The following CDH19 variants were observed in gnomAD, a reference collection of about 807,000 sequenced individuals.
CDH19 encodes cadherin-19.
A neutral mutation model predicts 64.2 loss-of-function variants in CDH19; 67 were observed. The ratio of observed to expected loss-of-function variants is 1.04; its 90% confidence interval spans 0.86 to 1.28. CDH19 has a LOEUF of 1.28. CDH19 is among the 50% of genes most tolerant of loss of function. CDH19 has a pLI of 0.00. For missense variants in CDH19, 1,030 were observed against 929.0 expected (o/e 1.11, Z -1.41); for synonymous variants, 346 against 319.3 (o/e 1.08, Z -0.89).
chr18:66,551,305 CAA>C (rs1398107355), intron 4 of CDH19, 47 bp from the exon 5 acceptor site: 4 of 1,031,206 alleles, frequency 3.9e-6, no homozygotes, highest in Non-Finnish European at 6.0e-6. Context: ...TTAATCATGA[CAA>C]AGTTCTAGTT....
intron 1 of CDH19, among the ~76,000 whole-genome samples, chr18:66,580,906 A>G (rs1389199631): frequency 6.6e-6 from 1 of 152,072 alleles, no homozygotes; most frequent in Non-Finnish European, 1.5e-5. Flanking sequence ...ATTTCACATA[A>G]TGCTCCACTT....
chr18:66,518,139 T>C (rs1985818974), intron 9 of CDH19, among the ~76,000 whole-genome samples: 1 of 152,148 alleles, frequency 6.6e-6, no homozygotes, highest in Non-Finnish European at 1.5e-5. Flanking sequence ...TTGAGGACTA[T>C]AATATTTTAT....
chr18:66,553,629 G>A (rs1375824052), intron 4 of CDH19, among the ~76,000 whole-genome samples: 1 of 132,988 alleles, frequency 7.5e-6, no homozygotes, highest in Non-Finnish European at 1.5e-5. Flanking sequence ...TTACTTCTTT[G>A]GCACTTCTCA....
chr18:66,583,161 CT>C lies in CDH19; in HGVS notation c.-112-10846del, dbSNP rs1400255031. Among the ~76,000 whole-genome samples the C allele has an allele frequency of 4.6e-5, 7 of 151,884 alleles. No homozygotes were observed. The East Asian group carries it at 5.8e-4, about 13-fold the overall frequency. On this transcript the variant is annotated intron_variant, in intron 1 of 11. Transcript: ENST00000262150. ...AGTCTGATTTTTTAAAATTATTGTACTTTTTTATGAGCCTTTGGTGCTCTCA... is the reference window on the plus strand; with the variant it reads ...AGTCTGATTTTTTAAAATTATTGTACTTTTTATGAGCCTTTGGTGCTCTCA...
At chr18:66,579,871 C>A (rs115241805) in intron 1 of CDH19, among the ~76,000 whole-genome samples, 1 of 151,764 alleles carries the variant, frequency 6.6e-6, no homozygotes, top group African/African-American at 2.4e-5. Flanking sequence ...TAAAAACACG[C>A]CCTATTTTTA....
chr18:66,552,536 C>T lies in CDH19; in HGVS notation c.611-1278G>A, dbSNP rs137995428. Among the ~76,000 whole-genome samples the T allele has an allele frequency of 2.0e-3, 268 of 137,012 alleles. 47 individuals carry two copies. In the Middle Eastern group the frequency reaches 0.039, roughly 20 times the overall value. The allele number at this position is 137,012 out of a possible 152,430, so 89.9% of individuals were successfully genotyped here. ...CAATATGTTGCACAAGTGCTGCTAG[C>T]GTCTCCCTGTATGTGACTCAGGGGA... On this transcript the variant is annotated intron_variant, in intron 4 of 11. Coordinates refer to ENST00000262150, the MANE Select transcript of CDH19 (RefSeq NM_021153.4).
rs55874520 is a variant in CDH19, at chr18:66,505,197, C to G, written c.1934G>C (p.Gly645Ala). The G allele has an allele frequency of 0.023, 36,433 of 1,612,920 alleles. 505 individuals are homozygous for G. Among genetic ancestry groups the G allele is most frequent in the Non-Finnish European group, 0.028 (32,646 of 1,179,276 alleles). The change falls in exon 12 of 12, where the codon GGG (glycine) becomes GCG (alanine). Residue 645 changes from glycine to alanine, a missense_variant. Physicochemically the swap from Gly to Ala is moderately conservative, Grantham distance 60. Coordinates refer to ENST00000262150, the MANE Select transcript of CDH19 (RefSeq NM_021153.4). ...RENIFQYDDE[G>A]GGEEDTEAFD... ...GGCCTCTGTATCTTCTTCTCCACCC[C>G]CTTCATCATCATATTGGAATATATT...
In CDH19 at chr18:66,510,964, T is replaced by G. The variant is rs1985453898; in HGVS notation, c.1576+604A>C. ...AGTTCTTATTATGACAAAAAGTATC[T>G]CTTACTGAAGCTCATGAAAAAGAAG... On this transcript the variant is annotated intron_variant, in intron 10 of 11. Transcript: ENST00000262150. Among the ~76,000 whole-genome samples, 4 of 151,652 alleles carry G rather than the reference T, an allele frequency of 2.6e-5. No homozygotes were observed. The Admixed American group carries it at 2.6e-4, about 10-fold the overall frequency.
intron 2 of CDH19, 68 bp downstream of exon 2, chr18:66,571,942 C>A: frequency 8.2e-7 from 1 of 1,217,354 alleles, no homozygotes; most frequent in Non-Finnish European, 1.1e-6. Context: ...ATCAAATCTC[C>A]AAACTTCTCC....
intron 3 of CDH19, among the ~76,000 whole-genome samples, chr18:66,558,214 G>A (rs890677092): frequency 2.7e-5 from 4 of 149,676 alleles, no homozygotes; most frequent in African/African-American, 9.8e-5. Context: ...ATATGCAGCA[G>A]TATTTCCAAA....
chr18:66,582,639 C>CAA (rs11410904), intron 1 of CDH19, among the ~76,000 whole-genome samples: 7,703 of 71,144 alleles, frequency 0.11, 470 homozygotes, highest in African/African-American at 0.17. Context: ...TTACTGTCAC[C>CAA]AAAAAAAAAA....
intron 1 of CDH19, among the ~76,000 whole-genome samples, chr18:66,589,864 G>A (rs1408327011): frequency 2.6e-5 from 4 of 151,782 alleles, no homozygotes; most frequent in Non-Finnish European, 5.9e-5. Context: ...TGATTCACAT[G>A]AACTGAGTGA....
chr18:66,556,125 G>GT (rs1328489631), intron 3 of CDH19, among the ~76,000 whole-genome samples: 1 of 151,270 alleles, frequency 6.6e-6, no homozygotes, highest in South Asian at 2.1e-4. Context: ...TTCCAGTCCA[G>GT]TTTTTTTAGC....
intron 9 of CDH19, among the ~76,000 whole-genome samples, chr18:66,517,600 A>G (rs1357259588): frequency 2.0e-5 from 3 of 152,076 alleles, no homozygotes; most frequent in African/African-American, 4.8e-5. Flanking sequence ...GGATTCCTCC[A>G]GAGTAGAGTG....
intron 1 of CDH19, among the ~76,000 whole-genome samples, chr18:66,579,270 T>C (rs978877022): frequency 6.6e-6 from 1 of 151,950 alleles, no homozygotes; most frequent in Admixed American, 6.6e-5. Context: ...ATAAAGAACA[T>C]TGCCTATAAA....
chr18:66,595,981 G>T (rs1354308518), intron 1 of CDH19, among the ~76,000 whole-genome samples: 3 of 152,020 alleles, frequency 2.0e-5, no homozygotes, highest in African/African-American at 7.2e-5. Flanking sequence ...AGATTACCTT[G>T]TTTCCTGGGA....
chr18:66,533,858 T>G (rs1341682127), intron 8 of CDH19, among the ~76,000 whole-genome samples: 1 of 152,066 alleles, frequency 6.6e-6, no homozygotes, highest in African/African-American at 2.4e-5. Context: ...TGCCCTGTTT[T>G]CCACCAGTAG....
In CDH19 at chr18:66,554,414, G is replaced by A. The variant is rs1406883388; in HGVS notation, c.601C>T (p.Pro201Ser). The A allele has an allele frequency of 6.2e-7, 1 of 1,611,124 alleles. No individual in the cohort carries two copies. The highest frequency in any genetic ancestry group is 8.5e-7 in the Non-Finnish European group (1 of 1,178,204). ...TTTCATTCACAAATACCTGTTGTTG[G>A]TTCAACAGAAAAATATGGCTGGCCT... ...LQGQPYFSVEPTTGVIRISSK... is the reference protein window; with the variant it reads ...LQGQPYFSVESTTGVIRISSK... The change falls in exon 4 of 12, where the codon CCA becomes TCA. Residue 201 changes from proline (P) to serine (S), a missense_variant. Coordinates refer to ENST00000262150, the MANE Select transcript of CDH19 (RefSeq NM_021153.4).
intron 3 of CDH19, among the ~76,000 whole-genome samples, chr18:66,567,674 T>C (rs1425855075): frequency 1.3e-5 from 2 of 151,886 alleles, no homozygotes; most frequent in Non-Finnish European, 2.9e-5. Flanking sequence ...TAATTTAAAA[T>C]GGCCATTATC....
Sources: allele counts gnomAD v4.1 joint callset (sites outside exome capture counted in the v4.1 genomes callset), GRCh38; gene constraint gnomAD v4.1.1; transcripts MANE v1.5; gene names NCBI Gene and HGNC (gene_info 2026-07-23, HGNC 2026-07-21).